FER: variants seen among roughly 807,000 people sequenced by gnomAD.
The protein encoded by FER is tyrosine-protein kinase Fer.
FER carries 63 observed loss-of-function variants against 111.0 expected under a neutral mutation model. The ratio of observed to expected loss-of-function variants is 0.57; its 90% CI spans 0.46 to 0.70. The LOEUF (loss-of-function observed/expected upper bound fraction) is 0.70. FER is among the 30% of genes least tolerant of loss of function. FER has a pLI of 0.00. For synonymous variants in FER, 327 were observed against 313.9 expected (o/e 1.04, Z -0.44); for missense variants, 914 against 954.0 (o/e 0.96, Z 0.55).
intron 17 of FER, among the ~76,000 whole-genome samples, chr5:109,163,771 T>A (rs1475673668): frequency 6.6e-6 from 1 of 152,130 alleles, no homozygotes; most frequent in Admixed American, 6.5e-5. Context: ...ATACTAAACA[T>A]TTTTTTAAAA....
intron 3 of FER, 74 bp downstream of exon 3, chr5:108,798,463 TGAA>T: frequency 9.1e-7 from 1 of 1,094,044 alleles, no homozygotes; most frequent in Non-Finnish European, 1.4e-6. Flanking sequence ...CTCAAACTAT[TGAA>T]TGAGCATACT....
intron 13 of FER, among the ~76,000 whole-genome samples, chr5:108,960,573 A>G (rs1344151310): frequency 1.3e-5 from 2 of 152,022 alleles, no homozygotes; most frequent in East Asian, 3.9e-4. Flanking sequence ...AAATCTTTCA[A>G]TATTTCCTCC....
rs1166079412 is a variant in FER, at chr5:109,069,408, A to G, written c.1924+22210A>G. 2.0e-5 allele frequency among the ~76,000 whole-genome samples: 3 copies of G among 152,306 alleles called. No individual in the cohort carries two copies. In the East Asian group the frequency reaches 5.8e-4, roughly 29 times the overall value. On this transcript the variant is annotated intron_variant, in intron 16 of 19. Transcript: ENST00000281092. The stretch of plus-strand genomic sequence containing the variant: ...GTGGCTTAGAGGACAAGAGATCTTT[A>G]GAGAGTTTAAAAACTGTCAGAGATG...
At chr5:109,007,547 C>T (rs569267605) in intron 13 of FER, among the ~76,000 whole-genome samples, 1 of 152,232 alleles carries the variant, frequency 6.6e-6, no homozygotes, top group African/African-American at 2.4e-5. Flanking sequence ...TTCAATTTGA[C>T]TTCTTTTATT....
chr5:109,121,298 C>T (rs1298028546), intron 17 of FER, among the ~76,000 whole-genome samples: 2 of 152,052 alleles, frequency 1.3e-5, no homozygotes, highest in South Asian at 4.1e-4. Context: ...GGGTTTTTAT[C>T]ATGAAAACAT....
intron 3 of FER, among the ~76,000 whole-genome samples, chr5:108,802,124 T>C (rs921624593): frequency 5.9e-5 from 9 of 152,156 alleles, no homozygotes; most frequent in Non-Finnish European, 1.2e-4. Flanking sequence ...AACAACAGAT[T>C]AAGGGGTACT....
chr5:108,780,384 T>G (rs941521693), intron 2 of FER, among the ~76,000 whole-genome samples: 16 of 84,100 alleles, frequency 1.9e-4, no homozygotes, highest in Non-Finnish European at 3.0e-4. Flanking sequence ...TTAGTGGGTT[T>G]TTTTTTTTTA....
At chr5:108,999,019 AC>A (rs1223417131) in intron 13 of FER, among the ~76,000 whole-genome samples, 5 of 152,166 alleles carry the variant, frequency 3.3e-5, no homozygotes, top group African/African-American at 4.8e-5. Context: ...ACTAGTAAAT[AC>A]CCATATATGA....
chr5:108,758,001 A>G (rs1168254805), intron 1 of FER, among the ~76,000 whole-genome samples: 1 of 152,186 alleles, frequency 6.6e-6, no homozygotes, highest in East Asian at 1.9e-4. Context: ...TTGCTATTAT[A>G]TACACTAATA....
In FER at chr5:108,837,827, C is replaced by T. The variant is rs993211629; in HGVS notation, c.481+2020C>T. ...TATTGTATTAATAGTTGGAAGGCAA[C>T]GAGAGAATCTGAAGATCATACTTGT... On this transcript the variant is annotated intron_variant, in intron 5 of 19. Transcript: ENST00000281092. 4.6e-5 allele frequency among the ~76,000 whole-genome samples: 7 copies of T among 152,094 alleles called. No individual in the cohort carries two copies. The East Asian group carries it at 7.7e-4, about 17-fold the overall frequency.
chr5:108,832,451 G>A (rs1056367355), intron 3 of FER, among the ~76,000 whole-genome samples: 1 of 152,148 alleles, frequency 6.6e-6, no homozygotes, highest in Non-Finnish European at 1.5e-5. Flanking sequence ...ATGTGGCAGA[G>A]CAGTATTTCA....
At chr5:109,005,919 G>C (rs1304084712) in intron 13 of FER, among the ~76,000 whole-genome samples, 1 of 152,162 alleles carries the variant, frequency 6.6e-6, no homozygotes, top group Non-Finnish European at 1.5e-5. Context: ...AGACAAATTT[G>C]TATTCGCTTG....
chr5:109,016,618 A>G (rs1767165703), intron 13 of FER, among the ~76,000 whole-genome samples: 1 of 152,070 alleles, frequency 6.6e-6, no homozygotes, highest in Non-Finnish European at 1.5e-5. Context: ...AAATGACTTA[A>G]TTGTAGGTCG....
chr5:109,031,298 C>G (rs370252304), intron 13 of FER, among the ~76,000 whole-genome samples: 2 of 152,188 alleles, frequency 1.3e-5, no homozygotes, highest in East Asian at 1.9e-4. Context: ...CCTTCTCATA[C>G]CATCTTTCAG....
intron 6 of FER, among the ~76,000 whole-genome samples, chr5:108,868,789 C>T (rs146204342): frequency 1.3e-5 from 2 of 152,166 alleles, no homozygotes; most frequent in African/African-American, 4.8e-5. Flanking sequence ...CAGTTTAATG[C>T]AGGTTCTTGC....
intron 17 of FER, among the ~76,000 whole-genome samples, chr5:109,123,708 A>G (rs1430847322): frequency 6.6e-6 from 1 of 152,184 alleles, no homozygotes; most frequent in Non-Finnish European, 1.5e-5. Context: ...CCTGCTTTCT[A>G]ACTTATTATT....
chr5:108,856,947 T>A lies in FER; in HGVS notation c.482-10820T>A, dbSNP rs375577661. ...GGCTAAATAATACCAGTTCTTTAGA[T>A]ACAATGAATATTCTGATACTTTAAA... On this transcript the variant is annotated intron_variant, in intron 5 of 19. Coordinates refer to ENST00000281092, the MANE Select transcript of FER (RefSeq NM_005246.4). 2.3e-4 allele frequency among the ~76,000 whole-genome samples: 35 copies of A among 152,290 alleles called. 1 individual carries two copies. The South Asian group carries it at 6.8e-3, about 30-fold the overall frequency.
chr5:108,770,052 G>T (rs987803514), intron 2 of FER, among the ~76,000 whole-genome samples: 1 of 152,048 alleles, frequency 6.6e-6, no homozygotes, highest in African/African-American at 2.4e-5. Context: ...GAGTTCAAGC[G>T]ATTCTCCTGC....
chr5:109,176,204 A>G (rs541557083), intron 17 of FER, among the ~76,000 whole-genome samples: 1 of 152,222 alleles, frequency 6.6e-6, no homozygotes, highest in Non-Finnish European at 1.5e-5. Flanking sequence ...TTATTAAAGC[A>G]CTATTCACAA....
Sources: allele counts gnomAD v4.1 joint callset (sites outside exome capture counted in the v4.1 genomes callset), GRCh38; gene constraint gnomAD v4.1.1; transcripts MANE v1.5; gene names NCBI Gene and HGNC (gene_info 2026-07-23, HGNC 2026-07-21).